FLII: variants seen among roughly 807,000 people sequenced by gnomAD.
FLII encodes the protein protein flightless-1 homolog.
FLII carries 101 observed loss-of-function variants against 156.2 expected under a neutral mutation model. That is an observed-to-expected ratio of 0.65 (90% CI 0.55 to 0.76). FLII has a LOEUF of 0.76. FLII is among the 30% of genes least tolerant of loss of function. The probability of loss-of-function intolerance (pLI) is 0.00; values close to 1 mark genes in which losing one functional copy is unlikely to be tolerated. For missense variants in FLII, 1,675 were observed against 1,682.8 expected (o/e 1.00, Z 0.08); for synonymous variants, 767 against 685.8 (o/e 1.12, Z -1.85).
At position 18,247,707 on chromosome 17, in the gene FLII, G is replaced by T. The variant is rs367938881; in HGVS notation, c.2437C>A (p.Arg813=). The part of the protein sequence containing the change: ...LGQELCGMLH[R]PRHATVSRSL... ...CGGCTGACCGTGGCATGGCGTGGCC[G>T]GTGCAGCATCCCGCACAGCTCCTGA... The change falls in exon 20 of 30, where the codon CGG becomes AGG. Residue 813 remains arginine (R), a synonymous_variant. Coordinates refer to ENST00000327031, the MANE Select transcript of FLII (RefSeq NM_002018.4). 25 of 1,601,118 alleles carry T rather than the reference G, an allele frequency of 1.6e-5. 1 individual carries two copies. The highest frequency in any genetic ancestry group is 2.1e-5 in the Non-Finnish European group (25 of 1,178,692).
chr17:18,255,353 A>C, intron 3 of FLII, 90 bp from the exon 4 acceptor site: 120 of 1,003,286 alleles, frequency 1.2e-4, no homozygotes, highest in Non-Finnish European at 1.7e-4. Flanking sequence ...CAGGCAGCTC[A>C]CCAGAGGCCA....
chr17:18,252,085 G>T lies in FLII; in HGVS notation c.1160C>A (p.Ala387Asp), dbSNP rs751561057. 1.2e-5 allele frequency: 19 copies of T among 1,613,322 alleles called. No homozygotes were observed. Among genetic ancestry groups the T allele is most frequent in the Non-Finnish European group, 1.6e-5 (19 of 1,180,050 alleles). ...VMPPKPADRA[A>D]EWYNIDFSLQ... ...CGAGAAGTCGATGTTGTACCACTCA[G>T]CGGCACGGTCTGCGGGCTTGGGCGG... is the stretch of plus-strand genomic sequence containing the variant. Residue 387 changes from alanine to aspartate, a missense_variant, in exon 11 of 30, where the codon GCT becomes GAT. Around this residue, in one of 2 missense-constraint regions of FLII, gnomAD observed 1,332 missense variants for 1,269.3 expected, o/e 1.05. Coordinates refer to ENST00000327031, the MANE Select transcript of FLII (RefSeq NM_002018.4).
chr17:18,251,498 C>A, intron 12 of FLII, 21 bp from the exon 13 acceptor site: 1 of 1,587,148 alleles, frequency 6.3e-7, no homozygotes, highest in Non-Finnish European at 8.6e-7. Context: ...AGTCACAGAG[C>A]ACGGCTTGAC....
chr17:18,253,129 G>A (rs1219509187), intron 9 of FLII, among the ~76,000 whole-genome samples, 172 bp downstream of exon 9: 3 of 152,148 alleles, frequency 2.0e-5, no homozygotes, highest in African/African-American at 2.4e-5. Context: ...CAGCCCAGGC[G>A]ACAGAGCGAG....
chr17:18,249,739 G>A (rs1361443300), intron 14 of FLII, among the ~76,000 whole-genome samples: 2 of 149,048 alleles, frequency 1.3e-5, no homozygotes, highest in Non-Finnish European at 3.0e-5. Flanking sequence ...GCAGTGAGCT[G>A]AGATTGTGCC....
rs994501377 is a variant in FLII, at chr17:18,250,876, G to T, written c.1738C>A (p.Arg580=). The change falls in exon 14 of 30, where the codon CGG becomes AGG. Residue 580 remains arginine, a synonymous_variant. Coordinates refer to ENST00000327031, the MANE Select transcript of FLII (RefSeq NM_002018.4). The part of the protein sequence containing the change: ...NYLGAECRTV[R]EEMGDESEEF... ...TCGCTCTCATCGCCCATCTCCTCCC[G>T]GACAGTGCGGCACTCAGCACCCAGG... 1 of 1,613,944 alleles carries T rather than the reference G, an allele frequency of 6.2e-7. No individual in the cohort carries two copies. Among genetic ancestry groups the T allele is most frequent in the Admixed American group, 1.7e-5 (1 of 60,006 alleles).
intron 28 of FLII, 41 bp downstream of exon 28, chr17:18,245,514 G>C (rs771016912): frequency 1.2e-6 from 2 of 1,611,928 alleles, no homozygotes; most frequent in South Asian, 2.2e-5. Context: ...TAAGTCTATG[G>C]GCGCCTCCTT....
rs145840264 is a variant in FLII at position 18,258,631 on chromosome 17, G to A, written c.60C>T (p.Phe20=). 3 of 1,559,636 alleles carry A rather than the reference G, an allele frequency of 1.9e-6. No homozygotes were observed. The highest frequency in any genetic ancestry group is 2.6e-6 in the Non-Finnish European group (3 of 1,162,756). ...GCACGCGCCCGGCCCGGCTCACCTTGAAGTCGTTGCCGCTGAGGTCCACGC... is the reference window on the plus strand; with the variant it reads ...GCACGCGCCCGGCCCGGCTCACCTTAAAGTCGTTGCCGCTGAGGTCCACGC... ...VRGVDLSGND[F]KGGYFPENVK... Residue 20 remains phenylalanine (F), a synonymous_variant, in exon 1 of 30, where the codon TTC becomes TTT. Transcript: ENST00000327031. The surrounding 1 kb of genome is among the most constrained non-coding windows in gnomAD (Gnocchi z 4.2).
intron 2 of FLII, 156 bp from the exon 3 acceptor site, chr17:18,256,753 C>T: frequency 2.5e-6 from 2 of 796,504 alleles, no homozygotes; most frequent in South Asian, 1.6e-5. Context: ...CCTCTTCTTG[C>T]ACACCTCCCT....
chr17:18,248,690 G>A lies in FLII; in HGVS notation c.2050C>T (p.Arg684Trp), dbSNP rs753107056. The A allele has an allele frequency of 2.7e-5, 44 of 1,613,562 alleles. No individual in the cohort carries two copies. The highest frequency in any genetic ancestry group is 1.1e-4 in the South Asian group (10 of 91,086). ...AGTGTGATCTCAGCCTTCCCTTTCCGCTCATTCTTGTTAATTTTCTCTGCA... is the reference window on the plus strand; with the variant it reads ...AGTGTGATCTCAGCCTTCCCTTTCCACTCATTCTTGTTAATTTTCTCTGCA... ...LFAEKINKNE[R>W]KGKAEITLLV... Residue 684 changes from arginine to tryptophan, a missense_variant, in exon 18 of 30, where the codon CGG becomes TGG. This residue lies in a region of FLII where 1,332 missense variants were observed against 1,269.3 expected (regional missense o/e 1.05). Transcript: ENST00000327031.
At position 18,247,850 on chromosome 17, in the gene FLII, T is replaced by G. The variant is rs200518504; in HGVS notation, c.2296-2A>C. On this transcript the variant is annotated splice_acceptor_variant, in intron 19 of 29. Coordinates refer to ENST00000327031, the MANE Select transcript of FLII (RefSeq NM_002018.4). LOFTEE classifies it high-confidence loss of function. ...GCGCGTGTCCAGCAGACTCTGCAGC[T>G]GCGGACCGGGAGTCTGGAGGTCAAA... 6.2e-6 allele frequency: 10 copies of G among 1,613,976 alleles called. No homozygotes were observed. In the Admixed American group the frequency reaches 1.0e-4, roughly 16 times the overall value.
rs150317655 is a variant in FLII, at chr17:18,253,445, T to C, written c.869A>G (p.Lys290Arg). Residue 290 changes from lysine (K) to arginine (R), a missense_variant, in exon 9 of 30, where the codon AAG becomes AGG. Physicochemically the swap from Lys to Arg is conservative, Grantham distance 26. This residue lies in a region of FLII where 343 missense variants were observed against 413.5 expected (regional missense o/e 0.83). Coordinates refer to ENST00000327031, the MANE Select transcript of FLII (RefSeq NM_002018.4). ...GTACAGCTTCTTCAGCTTGCTCAGCTTGCAAATGGCTGACTGGAGGGGGAA... is the reference window on the plus strand; with the variant it reads ...GTACAGCTTCTTCAGCTTGCTCAGCCTGCAAATGGCTGACTGGAGGGGGAA... ...QLTSLPSAICKLSKLKKLYLN... is the reference protein window; with the variant it reads ...QLTSLPSAICRLSKLKKLYLN... 5 of 1,613,746 alleles carry C rather than the reference T, an allele frequency of 3.1e-6. No individual in the cohort carries two copies. In the African/African-American group the frequency reaches 6.7e-5, roughly 22 times the overall value.
Position 18,245,212 on chromosome 17 carries a change from G to A in FLII, c.3736C>T (p.Arg1246Cys), listed in dbSNP as rs766906354. ...AAGGCGTGCTGCTCATTGCCCTTGC[G>A]GACCAGGCGCAGCCGGCGCGGCCGC... ...HERPRRLRLV[R>C]KGNEQHAFTR... Residue 1246 changes from arginine (R) to cysteine (C), a missense_variant, in exon 30 of 30, where the codon CGC becomes TGC. Coordinates refer to ENST00000327031, the MANE Select transcript of FLII (RefSeq NM_002018.4). 2.2e-5 allele frequency: 35 copies of A among 1,613,832 alleles called. No individual in the cohort carries two copies. The highest frequency in any genetic ancestry group is 1.6e-4 in the East Asian group (7 of 44,890).
rs2048288867 is a variant in FLII, at chr17:18,252,072, G to A, written c.1173C>T (p.Asn391=). 6.2e-7 allele frequency: 1 copy of A among 1,613,448 alleles called. No homozygotes were observed. The highest frequency in any genetic ancestry group is 1.3e-5 in the African/African-American group (1 of 75,080). The change falls in exon 11 of 30, where the codon AAC becomes AAT. Residue 391 remains asparagine, a synonymous_variant. Transcript: ENST00000327031. ...GCTGGTTCTGCAGCGAGAAGTCGAT[G>A]TTGTACCACTCAGCGGCACGGTCTG... The part of the protein sequence containing the change: ...KPADRAAEWY[N]IDFSLQNQLR...
intron 3 of FLII, among the ~76,000 whole-genome samples, chr17:18,255,807 G>A (rs967971324): frequency 6.6e-6 from 1 of 152,202 alleles, no homozygotes; most frequent in African/African-American, 2.4e-5. Context: ...ATGCCTGTGC[G>A]GCACCCTGCT....
At chr17:18,251,625 G>C in intron 12 of FLII, 55 bp downstream of exon 12, 1 of 1,610,268 alleles carries the variant, frequency 6.2e-7, no homozygotes, top group Non-Finnish European at 8.5e-7. Context: ...GGCCAGGGTC[G>C]GCCTTCAGCA....
chr17:18,248,925 G>A (rs1455647020), intron 16 of FLII, 42 bp from the exon 17 acceptor site: 1 of 1,547,244 alleles, frequency 6.5e-7, no homozygotes, highest in Non-Finnish European at 8.9e-7. Flanking sequence ...TGGTGCATGG[G>A]GCAATGGTCA....
chr17:18,247,674 C>T lies in FLII; in HGVS notation c.2470G>A (p.Glu824Lys). ...PRHATVSRSL[E>K]GTEAQVFKAK... ...AAGCGCACCTGCGCCTCGGTGCCCT[C>T]GAGGCTGCGGCTGACCGTGGCATGG... The change falls in exon 20 of 30, where the codon GAG becomes AAG. Residue 824 changes from glutamate (E) to lysine (K), a missense_variant. Around this residue, in one of 2 missense-constraint regions of FLII, gnomAD observed 1,332 missense variants for 1,269.3 expected, o/e 1.05. Transcript: ENST00000327031. 1 of 1,594,368 alleles carries T rather than the reference C, an allele frequency of 6.3e-7. No homozygotes were observed. Among genetic ancestry groups the T allele is most frequent in the Non-Finnish European group, 8.5e-7 (1 of 1,175,398 alleles).
intron 10 of FLII, 126 bp downstream of exon 10, chr17:18,252,343 CCCA>C: frequency 2.1e-6 from 2 of 938,250 alleles, no homozygotes; most frequent in South Asian, 3.0e-5. Context: ...GGAGGTGGGG[CCCA>C]CCTTCTCCCC....
Sources: allele counts gnomAD v4.1 joint callset (sites outside exome capture counted in the v4.1 genomes callset), GRCh38; gene constraint gnomAD v4.1.1; regional missense constraint gnomAD v4.1.1; non-coding constraint Gnocchi (gnomAD v3.1); transcripts MANE v1.5; gene names NCBI Gene and HGNC (gene_info 2026-07-23, HGNC 2026-07-21).